Variants in RGS7 observed in about 807,000 individuals in gnomAD.
RGS7 encodes the protein regulator of G protein signaling 7.
In RGS7, 27 loss-of-function variants were observed where a neutral mutation model predicts 81.1. That is an observed-to-expected ratio of 0.33 (90% CI 0.25 to 0.46). RGS7 has a LOEUF of 0.46. RGS7 is among the 20% of genes least tolerant of loss of function. The pLI, the probability that RGS7 is intolerant of heterozygous loss-of-function variation, is 1.00. For missense variants in RGS7, 396 were observed against 607.4 expected (o/e 0.65, Z 3.66); for synonymous variants, 208 against 207.7 (o/e 1.00, Z -0.01).
At chr1:240,870,758 T>A (rs941434897) in intron 6 of RGS7, among the ~76,000 whole-genome samples, 2 of 152,212 alleles carry the variant, frequency 1.3e-5, no homozygotes, top group African/African-American at 4.8e-5. Context: ...TATATCCAAA[T>A]AAAATCATTT....
At chr1:241,152,100 A>T (rs929612468) in intron 2 of RGS7, among the ~76,000 whole-genome samples, 7 of 152,024 alleles carry the variant, frequency 4.6e-5, no homozygotes, top group African/African-American at 1.7e-4. Context: ...AATGAAAAAA[A>T]GAGGACAAAA....
chr1:241,319,042 G>T (rs891349192), intron 2 of RGS7, among the ~76,000 whole-genome samples: 1 of 152,130 alleles, frequency 6.6e-6, no homozygotes, highest in South Asian at 2.1e-4. Context: ...TCACCAGATT[G>T]TTAAAATGAT....
rs1285385535 is a variant in RGS7 at position 241,197,465 on chromosome 1, G to A, written c.79-98703C>T. Among the ~76,000 whole-genome samples the A allele has an allele frequency of 1.0e-3, 10 of 9,836 alleles. 5 individuals are homozygous for A. The highest frequency in any genetic ancestry group is 5.2e-4 in the Non-Finnish European group (2 of 3,872). The allele number at this position is 9,836 out of a possible 152,430, so 6.5% of individuals were successfully genotyped here. ...GAGACGGGGTTTCACCGTTTTAGCC[G>A]GGATGGTCTCGATCTCCTGACCTCG... On this transcript the variant is annotated intron_variant, in intron 2 of 18. Transcript: ENST00000440928.
chr1:241,112,272 A>T (rs1193988765), intron 2 of RGS7, among the ~76,000 whole-genome samples: 1 of 152,128 alleles, frequency 6.6e-6, no homozygotes, highest in Non-Finnish European at 1.5e-5. Context: ...ATACTTATAA[A>T]ATGCAGCCCA....
At chr1:240,798,879 A>G (rs1170355740) in intron 18 of RGS7, among the ~76,000 whole-genome samples, 1 of 152,170 alleles carries the variant, frequency 6.6e-6, no homozygotes, top group South Asian at 2.1e-4. Flanking sequence ...CCCTGTATGT[A>G]CCAGAGCAAC....
chr1:241,197,250 T>A (rs143083392), intron 2 of RGS7, among the ~76,000 whole-genome samples: 467 of 43,780 alleles, frequency 0.011, 117 homozygotes, highest in African/African-American at 0.031. Context: ...AATCAAAGTA[T>A]CTTTTTTTTT....
At chr1:241,131,484 C>T (rs1450990307) in intron 2 of RGS7, among the ~76,000 whole-genome samples, 1 of 152,138 alleles carries the variant, frequency 6.6e-6, no homozygotes, top group African/African-American at 2.4e-5. Flanking sequence ...GCTACACTGG[C>T]TGATGTTGCT....
At chr1:241,015,585 G>A (rs995192981) in intron 3 of RGS7, among the ~76,000 whole-genome samples, 1 of 152,130 alleles carries the variant, frequency 6.6e-6, no homozygotes, top group Non-Finnish European at 1.5e-5. Flanking sequence ...GTGCATTTTA[G>A]AGTAAATGAT....
intron 3 of RGS7, among the ~76,000 whole-genome samples, chr1:240,987,685 G>A (rs766118537): frequency 2.7e-5 from 4 of 147,530 alleles, no homozygotes; most frequent in Admixed American, 1.4e-4. Context: ...CACCATGCCC[G>A]GCAATTTTTT....
intron 13 of RGS7, among the ~76,000 whole-genome samples, chr1:240,812,444 T>G (rs1690019583): frequency 6.6e-6 from 1 of 151,256 alleles, no homozygotes; most frequent in Admixed American, 6.6e-5. Flanking sequence ...TTTCTTTTTT[T>G]TTTTTTTGAG....
intron 3 of RGS7, among the ~76,000 whole-genome samples, chr1:241,094,970 G>A (rs887425390): frequency 6.6e-6 from 1 of 152,182 alleles, no homozygotes; most frequent in African/African-American, 2.4e-5. Context: ...CTCAGCTTGG[G>A]AGTAAAGGAA....
intron 6 of RGS7, among the ~76,000 whole-genome samples, chr1:240,905,036 T>C (rs2148217541): frequency 6.6e-6 from 1 of 152,338 alleles, no homozygotes; most frequent in African/African-American, 2.4e-5. Flanking sequence ...CATATCACTA[T>C]GGTTATAAAC....
intron 6 of RGS7, among the ~76,000 whole-genome samples, chr1:240,921,349 C>T (rs530957152): frequency 6.6e-6 from 1 of 151,904 alleles, no homozygotes; most frequent in Non-Finnish European, 1.5e-5. Context: ...AAACTAGATG[C>T]TTTCCCACTA....
At chr1:241,139,423 T>G (rs1245034538) in intron 2 of RGS7, among the ~76,000 whole-genome samples, 1 of 152,218 alleles carries the variant, frequency 6.6e-6, no homozygotes. Flanking sequence ...TGTTTCCACT[T>G]TAGAAATAAC....
Position 240,858,938 on chromosome 1 carries a change from T to G in RGS7, c.609+9649A>C, listed in dbSNP as rs888137670. 2.6e-5 allele frequency among the ~76,000 whole-genome samples: 4 copies of G among 152,280 alleles called. No individual in the cohort carries two copies. In the East Asian group the frequency reaches 7.7e-4, roughly 29 times the overall value. On this transcript the variant is annotated intron_variant, in intron 9 of 18. Transcript: ENST00000440928. The stretch of plus-strand genomic sequence containing the variant: ...CATCTTTGTTCATGAGAGACATTGG[T>G]GTGTAGTTTTCCTTCCTTGCAATGA...
intron 6 of RGS7, among the ~76,000 whole-genome samples, chr1:240,928,243 G>A (rs1197565681): frequency 1.3e-5 from 2 of 152,144 alleles, no homozygotes; most frequent in Admixed American, 6.5e-5. Context: ...CCAAGACCAC[G>A]CTTCTGTCTG....
chr1:240,855,329 G>GAAAAAAAAAAAAA (rs140107478), intron 9 of RGS7, among the ~76,000 whole-genome samples: 1 of 114,846 alleles, frequency 8.7e-6, no homozygotes, highest in African/African-American at 3.6e-5. Context: ...AAAAAAAAAG[G>GAAAAAAAAAAAAA]AGAAACAAAG....
At chr1:241,231,196 CCTT>C (rs1430239962) in intron 2 of RGS7, among the ~76,000 whole-genome samples, 1 of 152,110 alleles carries the variant, frequency 6.6e-6, no homozygotes, top group Non-Finnish European at 1.5e-5. Flanking sequence ...TATAAACACT[CCTT>C]GAAGCTAGCT....
At chr1:240,995,645 T>A (rs1398244330) in intron 3 of RGS7, among the ~76,000 whole-genome samples, 1 of 152,074 alleles carries the variant, frequency 6.6e-6, no homozygotes, top group Non-Finnish European at 1.5e-5. Context: ...ATCCTTTAGA[T>A]GTCTGCAGGT....
Sources: allele counts gnomAD v4.1 joint callset (sites outside exome capture counted in the v4.1 genomes callset), GRCh38; gene constraint gnomAD v4.1.1; transcripts MANE v1.5; gene names NCBI Gene and HGNC (gene_info 2026-07-23, HGNC 2026-07-21).